Variants in PCDHA4 observed in about 807,000 individuals in gnomAD.
The protein encoded by PCDHA4 is protocadherin alpha 4, also known as protocadherin alpha-4.
In PCDHA4, 49 loss-of-function variants were observed where a neutral mutation model predicts 61.4. That is an observed-to-expected ratio of 0.80 (90% CI 0.63 to 1.01). The LOEUF (loss-of-function observed/expected upper bound fraction) is 1.01, where lower values mean the gene tolerates loss of function less well. Among genes scored for constraint, PCDHA4 ranks in the 50% least tolerant of loss-of-function variants. The pLI is 0.00. For missense variants in PCDHA4, 1,254 were observed against 1,235.8 expected, an observed-to-expected ratio of 1.01 and a Z score of -0.22; for synonymous variants, 590 against 550.3, an observed-to-expected ratio of 1.07 and a Z score of -1.01.
rs1554142981 is a variant in PCDHA4, at chr5:140,849,496, G to A, written c.2385+39924G>A. The A allele has an allele frequency of 6.3e-7, 1 of 1,593,496 alleles. No individual in the cohort carries two copies. Among genetic ancestry groups the A allele is most frequent in the South Asian group, 1.1e-5 (1 of 90,348 alleles). ...GGCTTCCCACCCCTGGCTGGTCATT[G>A]TACACTTCTTGTGGAAGTTGTGGAT... is the stretch of plus-strand genomic sequence containing the variant. On this transcript the variant is annotated intron_variant, in intron 1 of 3. Coordinates refer to ENST00000530339, the MANE Select transcript of PCDHA4 (RefSeq NM_018907.4).
At chr5:140,961,384 A>G (rs568973458) in intron 1 of PCDHA4, among the ~76,000 whole-genome samples, 44 of 152,302 alleles carry the variant, frequency 2.9e-4, no homozygotes, top group Non-Finnish European at 5.7e-4. Flanking sequence ...AGTTTGAACT[A>G]TTCCATTAGT....
At chr5:140,841,749 C>T in intron 1 of PCDHA4, 1 of 1,613,878 alleles carries the variant, frequency 6.2e-7, no homozygotes, top group Non-Finnish European at 8.5e-7. Flanking sequence ...CTGTTTGTTT[C>T]AGAATCCAGA....
intron 1 of PCDHA4, among the ~76,000 whole-genome samples, chr5:140,875,100 G>C (rs558585314): frequency 6.6e-6 from 1 of 152,124 alleles, no homozygotes; most frequent in Non-Finnish European, 1.5e-5. Context: ...TTGATGTTTT[G>C]TTACTAATAT....
intron 2 of PCDHA4, among the ~76,000 whole-genome samples, chr5:140,981,687 ATCATTCAT>A (rs200213847): frequency 3.3e-5 from 5 of 151,972 alleles, no homozygotes; most frequent in South Asian, 2.1e-4. Flanking sequence ...CCTCCCTTCC[ATCATTCAT>A]TCATTCATTC....
At chr5:140,856,076 G>T in intron 1 of PCDHA4, 1 of 1,593,874 alleles carries the variant, frequency 6.3e-7, no homozygotes, top group Non-Finnish European at 8.6e-7. Flanking sequence ...CTGCCTGGGG[G>T]TCCAGTGTCT....
intron 1 of PCDHA4, chr5:140,836,920 G>A: frequency 1.8e-6 from 1 of 542,350 alleles, no homozygotes; most frequent in Non-Finnish European, 3.1e-6. Flanking sequence ...TTTTGTTTTG[G>A]GATGCGTAAT....
chr5:140,871,134 C>T, intron 1 of PCDHA4: 1 of 1,613,414 alleles, frequency 6.2e-7, no homozygotes, highest in Non-Finnish European at 8.5e-7. Flanking sequence ...CGCCAAAGGC[C>T]TCTTCCCGGA....
chr5:140,829,242 A>T lies in PCDHA4; in HGVS notation c.2385+19670A>T, dbSNP rs2150164576. On this transcript the variant is annotated intron_variant, in intron 1 of 3. Coordinates refer to ENST00000530339, the MANE Select transcript of PCDHA4 (RefSeq NM_018907.4). ...GACCTCGATTCAGGTGCCAACGGGC[A>T]GGTGAACTGCTCGCTGACGCCTCAC... is the stretch of plus-strand genomic sequence containing the variant. 1.7e-5 allele frequency: 27 copies of T among 1,614,148 alleles called. No individual in the cohort carries two copies. The highest frequency in any genetic ancestry group is 1.6e-4 in the Middle Eastern group (1 of 6,084).
chr5:140,913,276 CT>C (rs1468388675), intron 1 of PCDHA4, among the ~76,000 whole-genome samples: 1 of 152,070 alleles, frequency 6.6e-6, no homozygotes, highest in Non-Finnish European at 1.5e-5. Flanking sequence ...TGTTATTGGT[CT>C]GTTTAGGTTT....
intron 1 of PCDHA4, chr5:140,969,583 A>G: frequency 1.1e-6 from 1 of 914,068 alleles, no homozygotes; most frequent in Admixed American, 3.0e-5. Context: ...AGTGAGGATT[A>G]GTCTTAATAT....
rs997332881 is a variant in PCDHA4 at position 140,887,348 on chromosome 5, G to A, written c.2385+77776G>A. On this transcript the variant is annotated intron_variant, in intron 1 of 3. Transcript: ENST00000530339. ...CCTGACCTCGTGATCCACCTGGCTCGGCCTCCCAAAGTGCTGGGATTACAG... is the reference window on the plus strand; with the variant it reads ...CCTGACCTCGTGATCCACCTGGCTCAGCCTCCCAAAGTGCTGGGATTACAG... Among the ~76,000 whole-genome samples, 8 of 151,974 alleles carry A rather than the reference G, an allele frequency of 5.3e-5. 1 individual carries two copies. The highest frequency in any genetic ancestry group is 8.8e-5 in the Non-Finnish European group (6 of 67,980).
intron 3 of PCDHA4, among the ~76,000 whole-genome samples, chr5:140,982,864 T>G (rs1294289316): frequency 1.3e-5 from 2 of 152,114 alleles, no homozygotes; most frequent in Non-Finnish European, 2.9e-5. Flanking sequence ...TTCAAATGCT[T>G]AGGTCATCCA....
At chr5:140,836,777 C>T (rs2150269784) in intron 1 of PCDHA4, 2 of 1,480,486 alleles carry the variant, frequency 1.4e-6, no homozygotes, top group Non-Finnish European at 1.8e-6. Context: ...AATTTTAAAA[C>T]AATTAGTTCA....
chr5:140,853,637 C>T lies in PCDHA4; in HGVS notation c.2385+44065C>T, dbSNP rs1261449474. 3.6e-5 allele frequency: 36 copies of T among 988,398 alleles called. 4 individuals carry two copies. The highest frequency in any genetic ancestry group is 4.4e-5 in the Non-Finnish European group (36 of 820,538). 61.2% of individuals were successfully genotyped at this position (988,398 alleles called of 1,614,324 possible). On this transcript the variant is annotated intron_variant, in intron 1 of 3. Coordinates refer to ENST00000530339, the MANE Select transcript of PCDHA4 (RefSeq NM_018907.4). ...TAAATAAGTATACAAGATCACAGAC[C>T]TAAATTGAGCCTGTTCCAGACAAAT... is the stretch of plus-strand genomic sequence containing the variant.
At chr5:140,829,025 C>T in intron 1 of PCDHA4, 2 of 1,613,002 alleles carry the variant, frequency 1.2e-6, no homozygotes, top group Non-Finnish European at 1.7e-6. Context: ...GGATTTTGAA[C>T]AAGAAAACTT....
At chr5:140,857,106 C>A (rs2044362842) in intron 1 of PCDHA4, 2 of 1,597,856 alleles carry the variant, frequency 1.3e-6, no homozygotes, top group African/African-American at 2.7e-5. Context: ...ATTGTCACTT[C>A]TCTGTCTCTC....
At chr5:140,971,615 G>C (rs2096488487) in intron 1 of PCDHA4, among the ~76,000 whole-genome samples, 1 of 152,030 alleles carries the variant, frequency 6.6e-6, no homozygotes, top group East Asian at 1.9e-4. Flanking sequence ...GGAGAGTCCT[G>C]GGGTACAATT....
intron 1 of PCDHA4, among the ~76,000 whole-genome samples, chr5:140,833,457 A>AAGAAATTTAT (rs1374250716): frequency 2.0e-5 from 3 of 152,216 alleles, no homozygotes; most frequent in Non-Finnish European, 4.4e-5. Context: ...AATAAAATAA[A>AAGAAATTTAT]CTTACATTTT....
chr5:140,968,029 G>A, intron 1 of PCDHA4: 1 of 1,614,170 alleles, frequency 6.2e-7, no homozygotes, highest in Non-Finnish European at 8.5e-7. Context: ...CCTATACACT[G>A]GTGGTGAGCG....
Sources: gnomAD v4.1 joint callset for allele counts (sites outside exome capture counted in the v4.1 genomes callset) on GRCh38, gnomAD v4.1.1 for gene constraint, MANE v1.5 for transcripts, NCBI Gene and HGNC (gene_info 2026-07-23, HGNC 2026-07-21) for gene names.